SPEF2: variants seen among roughly 807,000 people sequenced by gnomAD.
SPEF2 encodes sperm flagellar and cilia associated 2.
SPEF2 carries 187 observed loss-of-function variants against 224.6 expected under a neutral mutation model. The observed-to-expected ratio is 0.83, with a 90% confidence interval of 0.74 to 0.94. The LOEUF (loss-of-function observed/expected upper bound fraction) is 0.94. Among genes scored for constraint, SPEF2 ranks in the 40% least tolerant of loss-of-function variants. The probability of loss-of-function intolerance (pLI) is 0.00; values close to 1 mark genes in which losing one functional copy is unlikely to be tolerated. For synonymous variants in SPEF2, 715 were observed against 707.3 expected (o/e 1.01, Z -0.17); for missense variants, 2,170 against 2,135.6 (o/e 1.02, Z -0.32).
intron 10 of SPEF2, among the ~76,000 whole-genome samples, chr5:35,680,910 C>A (rs1025286163): frequency 5.9e-5 from 9 of 152,234 alleles, no homozygotes; most frequent in African/African-American, 1.9e-4. Flanking sequence ...TTTTCAATAA[C>A]CTCTGAAGAT....
intron 15 of SPEF2, chr5:35,699,637 C>G (rs6898356): frequency 0.54 from 81,811 of 151,986 alleles, 22,443 homozygotes; most frequent in African/African-American, 0.57. Flanking sequence ...GTATCCAGTA[C>G]TTGCTAAGCT....
At chr5:35,732,721 C>T (rs1745838692) in intron 21 of SPEF2, among the ~76,000 whole-genome samples, 1 of 152,158 alleles carries the variant, frequency 6.6e-6, no homozygotes, top group Non-Finnish European at 1.5e-5. Flanking sequence ...AAGCAAGCTG[C>T]AATTGCCATG....
At chr5:35,656,010 T>G (rs10080020) in intron 7 of SPEF2, among the ~76,000 whole-genome samples, 3,906 of 152,222 alleles carry the variant, frequency 0.026, 185 homozygotes, top group African/African-American at 0.089. Flanking sequence ...AGAAGTAGCT[T>G]TAAGAGCTAT....
rs1007263193 is a variant in SPEF2, at chr5:35,685,154, C to T, written c.1525-5883C>T. Among the ~76,000 whole-genome samples the T allele has an allele frequency of 1.3e-5, 2 of 152,026 alleles. 1 individual carries two copies. The highest frequency in any genetic ancestry group is 4.1e-4 in the South Asian group (2 of 4,830). The stretch of plus-strand genomic sequence containing the variant: ...AAACTAAAAATACTTTTTATAAATA[C>T]AGGGTAGTATGTATAGAAGTGGCAG... On this transcript the variant is annotated intron_variant, in intron 10 of 36. Transcript: ENST00000356031.
At chr5:35,779,038 G>A in intron 29 of SPEF2, 79 bp from the exon 30 acceptor site, 1 of 1,029,780 alleles carries the variant, frequency 9.7e-7, no homozygotes, top group Non-Finnish European at 1.4e-6. Flanking sequence ...TTACTTTTGT[G>A]TATATGTCTT....
intron 20 of SPEF2, among the ~76,000 whole-genome samples, 156 bp from the exon 21 acceptor site, chr5:35,727,519 G>A (rs1010166783): frequency 6.6e-6 from 1 of 152,162 alleles, no homozygotes; most frequent in African/African-American, 2.4e-5. Flanking sequence ...TTTGGGGGCT[G>A]TGGAGAATAA....
Position 35,659,221 on chromosome 5 carries a change from T to C in SPEF2, c.1167+14T>C. 6.4e-7 allele frequency: 1 copy of C among 1,572,872 alleles called. No individual in the cohort carries two copies. The highest frequency in any genetic ancestry group is 1.2e-5 in the South Asian group (1 of 86,120). ...GATCGAGAAGCGGTAAATACCATCTTCCTTAGAAATCTTTCTAAGGTTACT... is the reference window on the plus strand; with the variant it reads ...GATCGAGAAGCGGTAAATACCATCTCCCTTAGAAATCTTTCTAAGGTTACT... On this transcript the variant is annotated intron_variant, in intron 8 of 36. Coordinates refer to ENST00000356031, the MANE Select transcript of SPEF2 (RefSeq NM_024867.4).
intron 36 of SPEF2, among the ~76,000 whole-genome samples, chr5:35,813,012 C>A (rs1432772315): frequency 6.6e-6 from 1 of 152,132 alleles, no homozygotes; most frequent in Admixed American, 6.5e-5. Context: ...AAATTGTGGT[C>A]CCTGATTTCA....
intron 10 of SPEF2, among the ~76,000 whole-genome samples, chr5:35,685,793 A>G (rs1753521991): frequency 6.6e-6 from 1 of 151,788 alleles, no homozygotes; most frequent in African/African-American, 2.4e-5. Context: ...ACTAGGAAAG[A>G]GTTCCCCTCC....
chr5:35,634,804 G>A (rs1232980718), intron 2 of SPEF2, among the ~76,000 whole-genome samples: 1 of 151,960 alleles, frequency 6.6e-6, no homozygotes, highest in African/African-American at 2.4e-5. Flanking sequence ...TTACATTGGT[G>A]TGGTACATTT....
chr5:35,787,353 C>T (rs10043734), intron 30 of SPEF2, among the ~76,000 whole-genome samples: 72,510 of 151,496 alleles, frequency 0.48, 20,640 homozygotes, highest in African/African-American at 0.8. Context: ...CCAAGGCAGA[C>T]CTTGCAGACA....
At chr5:35,701,530 G>T (rs956625753) in intron 16 of SPEF2, among the ~76,000 whole-genome samples, 3 of 152,124 alleles carry the variant, frequency 2.0e-5, no homozygotes, top group Non-Finnish European at 4.4e-5. Context: ...ATCAACAAAT[G>T]ATTGCCTTCA....
intron 21 of SPEF2, among the ~76,000 whole-genome samples, chr5:35,735,504 G>A (rs758097043): frequency 3.9e-5 from 6 of 152,076 alleles, no homozygotes; most frequent in African/African-American, 1.2e-4. Flanking sequence ...AACACTGAAG[G>A]AGGCTGCCTT....
chr5:35,799,882 G>A, intron 33 of SPEF2, 86 bp from the exon 34 acceptor site: 3 of 1,455,226 alleles, frequency 2.1e-6, no homozygotes, highest in Non-Finnish European at 1.9e-6. Flanking sequence ...TTATTCCAAA[G>A]CTCCTGGGGA....
chr5:35,795,739 A>G lies in SPEF2; in HGVS notation c.4774A>G (p.Ile1592Val), dbSNP rs139147938. ...LWFTGDEDIK[I>V]PENPLEPLPF... Reference sequence around the variant, plus strand: ...GTTTACAGGAGATGAAGATATAAAAATTCCAGAAAATCCTCTTGAACCCCT... The same window carrying G: ...GTTTACAGGAGATGAAGATATAAAAGTTCCAGAAAATCCTCTTGAACCCCT... The change falls in exon 33 of 37, where the codon ATT (isoleucine) becomes GTT (valine). Residue 1592 changes from isoleucine to valine, a missense_variant. Ile to Val is a conservative substitution (Grantham distance 29, BLOSUM62 3). Coordinates refer to ENST00000356031, the MANE Select transcript of SPEF2 (RefSeq NM_024867.4). 1,524 of 1,614,048 alleles carry G rather than the reference A, an allele frequency of 9.4e-4. 18 individuals are homozygous for G. The African/African-American group carries it at 0.019, about 20-fold the overall frequency.
intron 30 of SPEF2, among the ~76,000 whole-genome samples, chr5:35,787,259 C>A (rs1385033220): frequency 7.9e-6 from 1 of 126,832 alleles, no homozygotes; most frequent in East Asian, 2.2e-4. Context: ...AGCTTCACAC[C>A]CTTTTTTTTT....
At chr5:35,795,496 G>A (rs1199980071) in intron 32 of SPEF2, among the ~76,000 whole-genome samples, 3 of 152,050 alleles carry the variant, frequency 2.0e-5, no homozygotes, top group African/African-American at 7.2e-5. Flanking sequence ...CATAATCAAA[G>A]ATGTAAAAAT....
intron 19 of SPEF2, among the ~76,000 whole-genome samples, chr5:35,712,599 A>T (rs1208417032): frequency 6.6e-6 from 1 of 152,238 alleles, no homozygotes; most frequent in Non-Finnish European, 1.5e-5. Flanking sequence ...ATGTGACAGA[A>T]TAATGCTGCT....
chr5:35,777,706 A>AATAT (rs1284814321), intron 29 of SPEF2, among the ~76,000 whole-genome samples: 2 of 131,682 alleles, frequency 1.5e-5, no homozygotes, highest in Non-Finnish European at 3.4e-5. Context: ...TAAATAAATA[A>AATAT]ATAAATAGCT....
Sources: allele counts gnomAD v4.1 joint callset (sites outside exome capture counted in the v4.1 genomes callset), GRCh38; gene constraint gnomAD v4.1.1; transcripts MANE v1.5; gene names NCBI Gene and HGNC (gene_info 2026-07-23, HGNC 2026-07-21).